BNC2: variants seen among roughly 807,000 people sequenced by gnomAD.
BNC2 encodes zinc finger protein basonuclin-2.
A neutral mutation model predicts 76.3 loss-of-function variants in BNC2; 20 were observed. The observed-to-expected ratio is 0.26, with a 90% CI of 0.18 to 0.38. BNC2 has a LOEUF of 0.38. Ranked by LOEUF, BNC2 falls within the 10% of genes least tolerant of loss-of-function variation. The pLI, the probability that BNC2 is intolerant of heterozygous loss-of-function variation, is 1.00. For missense variants in BNC2, 1,382 were observed against 1,399.8 expected (o/e 0.99, Z 0.20); for synonymous variants, 582 against 514.8 (o/e 1.13, Z -1.77).
chr9:16,778,748 A>G (rs1826037399), intron 1 of BNC2, among the ~76,000 whole-genome samples: 2 of 152,206 alleles, frequency 1.3e-5, no homozygotes, highest in South Asian at 4.1e-4. Flanking sequence ...TCAAAGTGGT[A>G]TAAGCTGAAA....
chr9:16,634,709 G>C (rs1821269429), intron 3 of BNC2, among the ~76,000 whole-genome samples: 1 of 151,876 alleles, frequency 6.6e-6, no homozygotes, highest in African/African-American at 2.4e-5. Flanking sequence ...CATTGTGTTA[G>C]CCAGGATGGT....
intron 3 of BNC2, among the ~76,000 whole-genome samples, chr9:16,648,490 G>C (rs571743402): frequency 6.6e-6 from 1 of 152,328 alleles, no homozygotes; most frequent in East Asian, 1.9e-4. Flanking sequence ...ACACAATTCT[G>C]AACATGGAAT....
intron 5 of BNC2, among the ~76,000 whole-genome samples, chr9:16,493,913 A>AT (rs1175576033): frequency 1.3e-5 from 2 of 152,162 alleles, no homozygotes; most frequent in Non-Finnish European, 2.9e-5. Flanking sequence ...AGATGTGGGC[A>AT]TGTAGGACAT....
At chr9:16,758,205 A>T (rs1169651903) in intron 1 of BNC2, among the ~76,000 whole-genome samples, 2 of 152,096 alleles carry the variant, frequency 1.3e-5, no homozygotes, top group Non-Finnish European at 2.9e-5. Context: ...TTCCATGGTC[A>T]TCTCTCTCTG....
chr9:16,853,745 G>T (rs1023143486), intron 1 of BNC2, among the ~76,000 whole-genome samples: 2 of 152,084 alleles, frequency 1.3e-5, no homozygotes, highest in Admixed American at 6.6e-5. Flanking sequence ...GTGCATATCT[G>T]TAATCCCAGC....
chr9:16,720,727 A>G lies in BNC2; in HGVS notation c.330+7070T>C, dbSNP rs562623346. On this transcript the variant is annotated intron_variant, in intron 3 of 6. Transcript: ENST00000380672. ...AATCGGAATGATGATTAATAAGTTG[A>G]GAATTTGGTTCCTAAACTAGCCAAT... 5.9e-5 allele frequency among the ~76,000 whole-genome samples: 9 copies of G among 152,338 alleles called. No homozygotes were observed. In the South Asian group the frequency reaches 1.7e-3, roughly 28 times the overall value.
At chr9:16,592,239 T>C (rs1208715212) in intron 3 of BNC2, among the ~76,000 whole-genome samples, 2 of 152,172 alleles carry the variant, frequency 1.3e-5, no homozygotes, top group Non-Finnish European at 2.9e-5. Context: ...GAACATCAAA[T>C]GATGTTAAAA....
chr9:16,552,869 T>A, intron 4 of BNC2, 104 bp from the exon 5 acceptor site: 1 of 899,114 alleles, frequency 1.1e-6, no homozygotes, highest in South Asian at 1.5e-5. Flanking sequence ...GGGCTCCATT[T>A]CTACACATGA....
At chr9:16,448,144 C>G (rs934251575) in intron 5 of BNC2, among the ~76,000 whole-genome samples, 1 of 152,108 alleles carries the variant, frequency 6.6e-6, no homozygotes, top group African/African-American at 2.4e-5. Context: ...ACAGAACTCA[C>G]CAGAGCCCTC....
intron 1 of BNC2, among the ~76,000 whole-genome samples, chr9:16,835,853 G>T (rs1019858966): frequency 3.9e-5 from 6 of 152,274 alleles, no homozygotes; most frequent in South Asian, 2.1e-4. Flanking sequence ...AAGAATTGGC[G>T]TCTAAAGTTG....
chr9:16,737,510 A>G (rs1824710865), intron 2 of BNC2, among the ~76,000 whole-genome samples: 1 of 149,244 alleles, frequency 6.7e-6, no homozygotes, highest in South Asian at 2.1e-4. Flanking sequence ...TCAGCCTCCC[A>G]AAGTGCTGGG....
At chr9:16,515,546 G>A (rs1053241555) in intron 5 of BNC2, among the ~76,000 whole-genome samples, 1 of 151,886 alleles carries the variant, frequency 6.6e-6, no homozygotes, top group Non-Finnish European at 1.5e-5. Context: ...GATGGATCCC[G>A]TTAAAGATCT....
intron 5 of BNC2, among the ~76,000 whole-genome samples, chr9:16,480,905 G>A (rs1033848499): frequency 2.0e-5 from 3 of 152,210 alleles, no homozygotes; most frequent in Admixed American, 6.5e-5. Context: ...CACATGGCAC[G>A]GGACTGGCAG....
At chr9:16,713,771 T>A (rs72706027) in intron 3 of BNC2, among the ~76,000 whole-genome samples, 2 of 152,138 alleles carry the variant, frequency 1.3e-5, no homozygotes, top group African/African-American at 4.8e-5. Flanking sequence ...GCAGCTAAAA[T>A]TAAAATACTT....
chr9:16,511,203 G>A (rs911670904), intron 5 of BNC2, among the ~76,000 whole-genome samples: 1 of 148,094 alleles, frequency 6.8e-6, no homozygotes, highest in Admixed American at 6.8e-5. Flanking sequence ...TCAAACTCCT[G>A]GGCTCACAGG....
At chr9:16,496,899 A>G (rs1461676456) in intron 5 of BNC2, among the ~76,000 whole-genome samples, 1 of 152,246 alleles carries the variant, frequency 6.6e-6, no homozygotes, top group East Asian at 1.9e-4. Context: ...TTGCTTCTAA[A>G]GGATCTTCTT....
intron 1 of BNC2, among the ~76,000 whole-genome samples, chr9:16,815,080 T>C (rs1818149228): frequency 6.6e-6 from 1 of 152,142 alleles, no homozygotes; most frequent in Non-Finnish European, 1.5e-5. Flanking sequence ...TCAGCAAGAC[T>C]TACACTCGTT....
intron 1 of BNC2, among the ~76,000 whole-genome samples, chr9:16,765,494 A>C (rs920239245): frequency 6.6e-6 from 1 of 152,328 alleles, no homozygotes; most frequent in African/African-American, 2.4e-5. Flanking sequence ...AGTGCCTTTT[A>C]AATAGAAATA....
intron 4 of BNC2, 119 bp from the exon 5 acceptor site, chr9:16,552,884 T>G: frequency 2.6e-6 from 2 of 780,246 alleles, no homozygotes; most frequent in Non-Finnish European, 4.4e-6. Flanking sequence ...ACATGAATGT[T>G]CGCCATAGGT....
Sources: gnomAD v4.1 joint callset for allele counts (sites outside exome capture counted in the v4.1 genomes callset) on GRCh38, gnomAD v4.1.1 for gene constraint, MANE v1.5 for transcripts, NCBI Gene and HGNC (gene_info 2026-07-23, HGNC 2026-07-21) for gene names.